RNF216: variants seen among roughly 807,000 people sequenced by gnomAD.
RNF216 encodes the protein ring finger protein 216.
RNF216 carries 72 observed loss-of-function variants against 110.8 expected under a neutral mutation model. That is an observed-to-expected ratio of 0.65 (90% CI 0.54 to 0.79). RNF216 has a LOEUF of 0.79. Among genes scored for constraint, RNF216 ranks in the 30% least tolerant of loss-of-function variants. RNF216 has a pLI of 0.00. For missense variants in RNF216, 1,342 were observed against 1,141.2 expected (o/e 1.18, Z -2.54); for synonymous variants, 495 against 407.5 (o/e 1.21, Z -2.59).
chr7:5,623,164 C>G lies in RNF216; in HGVS notation c.2468G>C (p.Arg823Pro). 1 of 1,557,668 alleles carries G rather than the reference C, an allele frequency of 6.4e-7. No homozygotes were observed. Among genetic ancestry groups the G allele is most frequent in the Non-Finnish European group, 8.7e-7 (1 of 1,146,196 alleles). ...KRKNGENTFK[R>P]IGPPLEKPVE... ...AGGCTTCTCCAGCGGGGGTCCAATG[C>G]GTTTGAAGGTGTTCTCTGAAAGGGA... The change falls in exon 17 of 17, where the codon CGC (arginine) becomes CCC (proline). Residue 823 changes from arginine (R) to proline (P), a missense_variant. Coordinates refer to ENST00000389902, the MANE Select transcript of RNF216 (RefSeq NM_207111.4).
rs1791629025 is a variant in RNF216 at position 5,696,388 on chromosome 7, G to A, written c.2061+15373C>T. Among the ~76,000 whole-genome samples the A allele has an allele frequency of 6.6e-6, 1 of 152,158 alleles. No homozygotes were observed. The highest frequency in any genetic ancestry group is 1.5e-5 in the Non-Finnish European group (1 of 68,026). ...GGAAAACAAGCCTTTTTAAATGACT[G>A]GGAAAAAACTTGTGAAGGTTACATG... On this transcript the variant is annotated intron_variant, in intron 13 of 16. Transcript: ENST00000389902. This position sits in a 1 kb window ranked among gnomAD's most constrained non-coding sequence, Gnocchi z 5.4.
At chr7:5,672,162 G>C (rs1789962059) in intron 13 of RNF216, among the ~76,000 whole-genome samples, 1 of 152,212 alleles carries the variant, frequency 6.6e-6, no homozygotes, top group East Asian at 1.9e-4. Flanking sequence ...GTTAAGTCCT[G>C]ATTCTGGGAG....
intron 13 of RNF216, among the ~76,000 whole-genome samples, chr7:5,668,470 G>A (rs1295345243): frequency 6.6e-6 from 1 of 151,910 alleles, no homozygotes; most frequent in Non-Finnish European, 1.5e-5. Context: ...TGATCTGCCC[G>A]CCTCGGCCTC....
At chr7:5,710,705 C>T (rs149867866) in intron 13 of RNF216, among the ~76,000 whole-genome samples, 9 of 152,318 alleles carry the variant, frequency 5.9e-5, no homozygotes, top group African/African-American at 1.4e-4. Flanking sequence ...CTGCCACTCC[C>T]GGGGCCTAGA....
intron 15 of RNF216, among the ~76,000 whole-genome samples, chr7:5,638,406 G>A (rs541050055): frequency 2.6e-5 from 4 of 152,144 alleles, no homozygotes; most frequent in East Asian, 1.9e-4. Flanking sequence ...TGTCTCCTGC[G>A]GATAACCTTT....
intron 14 of RNF216, among the ~76,000 whole-genome samples, chr7:5,642,709 C>A (rs1787812928): frequency 6.6e-6 from 1 of 152,122 alleles, no homozygotes; most frequent in Non-Finnish European, 1.5e-5. Flanking sequence ...AAACTCCTAA[C>A]CTCAAGTGAT....
In RNF216 at chr7:5,628,685, C is replaced by CT. The variant is rs11314929; in HGVS notation, c.2383-4561dup. 5.1e-3 allele frequency among the ~76,000 whole-genome samples: 704 copies of CT among 138,956 alleles called. 4 individuals are homozygous for CT. Among genetic ancestry groups the CT allele is most frequent in the Middle Eastern group, 0.011 (3 of 270 alleles). The allele number at this position is 138,956 out of a possible 152,430, so 91.2% of individuals were successfully genotyped here. A position where few individuals can be genotyped will look rare whatever the true frequency, so the allele number is the denominator to read the frequency against. ...TACAGGCGCCCACCACCATATCTGACTTTTTTTTTTTTTTTTGTAGAAATG... is the reference window on the plus strand; with the variant it reads ...TACAGGCGCCCACCACCATATCTGACTTTTTTTTTTTTTTTTTGTAGAAATG... On this transcript the variant is annotated intron_variant, in intron 15 of 16. Transcript: ENST00000389902.
intron 8 of RNF216, among the ~76,000 whole-genome samples, chr7:5,723,711 G>C (rs1793585404): frequency 6.6e-6 from 1 of 152,146 alleles, no homozygotes; most frequent in East Asian, 1.9e-4. Context: ...GTATTTTCCT[G>C]CATGACCATA....
chr7:5,722,830 T>C (rs1371864693), intron 8 of RNF216, among the ~76,000 whole-genome samples: 1 of 150,406 alleles, frequency 6.6e-6, no homozygotes, highest in Non-Finnish European at 1.5e-5. Context: ...GAGACCAACC[T>C]GTCCAACATG....
chr7:5,738,192 C>G (rs1203982046), intron 5 of RNF216, among the ~76,000 whole-genome samples: 2 of 149,742 alleles, frequency 1.3e-5, no homozygotes, highest in African/African-American at 5.0e-5. Flanking sequence ...TTCAGGAAAA[C>G]TTATTTTTTA....
chr7:5,740,104 CTTTTTTTTTTTTTTTT>C (rs71004698), intron 4 of RNF216, among the ~76,000 whole-genome samples: 6 of 118,486 alleles, frequency 5.1e-5, no homozygotes, highest in African/African-American at 1.4e-4. Context: ...GATGTAACAC[CTTTTTTTTTTTTTTTT>C]TTTTTTTTTT....
At chr7:5,779,699 C>T (rs1190061554) in intron 1 of RNF216, among the ~76,000 whole-genome samples, 3 of 148,034 alleles carry the variant, frequency 2.0e-5, no homozygotes, top group Non-Finnish European at 4.5e-5. Flanking sequence ...CGTGGTGGTG[C>T]GCGCCTGTAA....
chr7:5,667,618 C>G (rs1389060390), intron 13 of RNF216, among the ~76,000 whole-genome samples: 1 of 152,224 alleles, frequency 6.6e-6, no homozygotes, highest in East Asian at 1.9e-4. Flanking sequence ...AGAAACAAGC[C>G]AGGCTGACCT....
intron 13 of RNF216, among the ~76,000 whole-genome samples, chr7:5,671,673 C>G (rs1380320356): frequency 6.6e-6 from 1 of 151,914 alleles, no homozygotes; most frequent in African/African-American, 2.4e-5. Context: ...GGCGCGGTGG[C>G]GGGCACCTGT....
In RNF216 at chr7:5,721,217, T is replaced by A. The variant is rs781721251; in HGVS notation, c.1505-45A>T. On this transcript the variant is annotated intron_variant, in intron 8 of 16. Transcript: ENST00000389902. Reference sequence around the variant, plus strand: ...GCAAAAGCATGCAGACAACTATGTGTTAGGAACCTGGGCCAGCCATGTCCA... The same window carrying A: ...GCAAAAGCATGCAGACAACTATGTGATAGGAACCTGGGCCAGCCATGTCCA... The A allele has an allele frequency of 4.4e-6, 7 of 1,590,866 alleles. No individual in the cohort carries two copies. In the South Asian group the frequency reaches 7.7e-5, roughly 18 times the overall value.
intron 1 of RNF216, chr7:5,775,279 C>A (rs1489436557): frequency 6.6e-6 from 1 of 152,186 alleles, no homozygotes; most frequent in Non-Finnish European, 1.5e-5. Context: ...GAATCGCTCA[C>A]GGTTCTCTCA....
At chr7:5,759,633 C>CTTCTTCTTTTTT (rs59390560) in intron 2 of RNF216, among the ~76,000 whole-genome samples, 1 of 131,182 alleles carries the variant, frequency 7.6e-6, no homozygotes, top group Non-Finnish European at 1.6e-5. Flanking sequence ...CATTTTTCTT[C>CTTCTTCTTTTTT]TTTTTTTTTT....
chr7:5,721,228 G>A, intron 8 of RNF216, 56 bp from the exon 9 acceptor site: 3 of 1,522,640 alleles, frequency 2.0e-6, no homozygotes, highest in South Asian at 2.3e-5. Context: ...TAGGAACCTG[G>A]GCCAGCCATG....
intron 2 of RNF216, among the ~76,000 whole-genome samples, chr7:5,757,286 T>A (rs1018656552): frequency 6.6e-6 from 1 of 152,222 alleles, no homozygotes; most frequent in Admixed American, 6.5e-5. Flanking sequence ...ATCATGTTAC[T>A]AAGTATACAG....
Sources: allele counts gnomAD v4.1 joint callset (sites outside exome capture counted in the v4.1 genomes callset), GRCh38; gene constraint gnomAD v4.1.1; non-coding constraint Gnocchi (gnomAD v3.1); transcripts MANE v1.5; gene names NCBI Gene and HGNC (gene_info 2026-07-23, HGNC 2026-07-21).